Variants in ABTB2 observed in about 807,000 individuals in gnomAD.
ABTB2 encodes the protein ankyrin repeat and BTB domain containing 2, also known as ankyrin repeat and BTB/POZ domain-containing protein 2.
A neutral mutation model predicts 104.1 loss-of-function variants in ABTB2; 56 were observed. The ratio of observed to expected loss-of-function variants is 0.54; its 90% CI spans 0.43 to 0.67. The LOEUF is 0.67. ABTB2 is among the 30% of genes least tolerant of loss of function. ABTB2 has a pLI of 0.00. For missense variants in ABTB2, 1,279 were observed against 1,407.7 expected, an observed-to-expected ratio of 0.91 and a Z score of 1.46; for synonymous variants, 606 against 608.2, an observed-to-expected ratio of 1.00 and a Z score of 0.05.
intron 1 of ABTB2, among the ~76,000 whole-genome samples, chr11:34,220,748 C>A (rs1853610896): frequency 1.3e-5 from 2 of 152,134 alleles, no homozygotes; most frequent in Admixed American, 1.3e-4. Flanking sequence ...TAAATAACCC[C>A]CTGTTGGTCT....
chr11:34,167,437 AG>A, intron 6 of ABTB2, 77 bp from the exon 7 acceptor site: 1 of 1,136,262 alleles, frequency 8.8e-7, no homozygotes, highest in Non-Finnish European at 1.3e-6. Flanking sequence ...GGTGAACCAG[AG>A]TTAACAAGTG....
chr11:34,198,444 ACAAC>A (rs1853292021), intron 2 of ABTB2, among the ~76,000 whole-genome samples: 1 of 84,200 alleles, frequency 1.2e-5, no homozygotes, highest in Admixed American at 9.1e-5. Flanking sequence ...AAACAAACAA[ACAAC>A]AACAACAAAA....
chr11:34,280,571 A>G (rs1967745), intron 1 of ABTB2, among the ~76,000 whole-genome samples: 44,290 of 151,860 alleles, frequency 0.29, 7,675 homozygotes, highest in African/African-American at 0.47. Flanking sequence ...CTAACATAAT[A>G]AGCATGTCTG....
At chr11:34,288,222 T>A (rs965752820) in intron 1 of ABTB2, among the ~76,000 whole-genome samples, 6 of 152,248 alleles carry the variant, frequency 3.9e-5, no homozygotes, top group Middle Eastern at 3.2e-3. Context: ...TTTTTTACAG[T>A]GAACACCTTT....
At chr11:34,153,577 A>C (rs1852578789) in intron 16 of ABTB2, among the ~76,000 whole-genome samples, 1 of 152,162 alleles carries the variant, frequency 6.6e-6, no homozygotes, top group Non-Finnish European at 1.5e-5. Flanking sequence ...AGGCTGGTCT[A>C]AACTCCTGGT....
chr11:34,327,438 G>A lies in ABTB2; in HGVS notation c.883+29263C>T, dbSNP rs139544286. ...GAATCCACCCCCCTAGCCACTTGAG[G>A]GCCCAGTAGCAGGGGAAACGTGGCC... On this transcript the variant is annotated intron_variant, in intron 1 of 16. Transcript: ENST00000435224. Among the ~76,000 whole-genome samples, 249 of 152,222 alleles carry A rather than the reference G, an allele frequency of 1.6e-3. 3 individuals are homozygous for A. Among genetic ancestry groups the A allele is most frequent in the African/African-American group, 5.4e-3 (226 of 41,550 alleles).
intron 1 of ABTB2, among the ~76,000 whole-genome samples, chr11:34,351,130 A>G (rs1254178285): frequency 1.3e-5 from 2 of 152,066 alleles, no homozygotes; most frequent in African/African-American, 4.8e-5. Context: ...ATGTGCAACC[A>G]AGTGTCTCTG....
chr11:34,201,040 T>C (rs1017471155), intron 2 of ABTB2, among the ~76,000 whole-genome samples: 4 of 152,244 alleles, frequency 2.6e-5, no homozygotes, highest in African/African-American at 9.6e-5. Flanking sequence ...ACATTTATTT[T>C]GATTTTTCAT....
chr11:34,202,547 T>A (rs1159030744), intron 2 of ABTB2, among the ~76,000 whole-genome samples: 1 of 152,152 alleles, frequency 6.6e-6, no homozygotes, highest in Non-Finnish European at 1.5e-5. Flanking sequence ...AAGCTTTAAA[T>A]GGGCAGCTTG....
intron 10 of ABTB2, among the ~76,000 whole-genome samples, chr11:34,162,344 C>A (rs1173642728): frequency 6.6e-6 from 1 of 152,194 alleles, no homozygotes; most frequent in East Asian, 1.9e-4. Context: ...GGGACTGGGC[C>A]ATGACCCCAA....
chr11:34,218,079 A>C (rs193152002), intron 1 of ABTB2, among the ~76,000 whole-genome samples: 1 of 152,246 alleles, frequency 6.6e-6, no homozygotes, highest in Non-Finnish European at 1.5e-5. Context: ...TGCCATCTGC[A>C]TATCATCTTT....
In ABTB2 at chr11:34,329,346, C is replaced by A. The variant is rs1004293414; in HGVS notation, c.883+27355G>T. Reference sequence around the variant, plus strand: ...CTGGTTTTTCCACTCCACTTCCTTCCAGATCCATCTTCCATCCCACTTCCC... The same window carrying A: ...CTGGTTTTTCCACTCCACTTCCTTCAAGATCCATCTTCCATCCCACTTCCC... On this transcript the variant is annotated intron_variant, in intron 1 of 16. Coordinates refer to ENST00000435224, the MANE Select transcript of ABTB2 (RefSeq NM_145804.3). Among the ~76,000 whole-genome samples, 4 of 152,294 alleles carry A rather than the reference C, an allele frequency of 2.6e-5. No homozygotes were observed. In the East Asian group the frequency reaches 7.7e-4, roughly 29 times the overall value.
rs879745823 is a variant in ABTB2 at position 34,172,441 on chromosome 11, G to T, written c.1397+714C>A. 3.6e-3 allele frequency among the ~76,000 whole-genome samples: 320 copies of T among 89,322 alleles called. 4 individuals are homozygous for T. The highest frequency in any genetic ancestry group is 0.025 in the East Asian group (107 of 4,338). The allele number at this position is 89,322 out of a possible 152,430, so 58.6% of individuals were successfully genotyped here. ...ATATGTGTGTGTGTGTGTGTATATA[G>T]ATAGATAGATAGATAGATAGATAGA... On this transcript the variant is annotated intron_variant, in intron 4 of 16. Transcript: ENST00000435224.
At chr11:34,167,833 G>T in intron 6 of ABTB2, 70 bp downstream of exon 6, 1 of 1,510,764 alleles carries the variant, frequency 6.6e-7, no homozygotes, top group Non-Finnish European at 9.2e-7. Context: ...CGCCCAGCGT[G>T]TTTGTTGGAG....
rs1195876804 is a variant in ABTB2 at position 34,154,701 on chromosome 11, C to T, written c.2766G>A (p.Glu922=). The T allele has an allele frequency of 3.1e-6, 5 of 1,614,054 alleles. No homozygotes were observed. In the South Asian group the frequency reaches 4.4e-5, roughly 14 times the overall value. Residue 922 remains glutamate, a splice_region_variant and synonymous_variant, in exon 15 of 17, where the codon GAG becomes GAA. Transcript: ENST00000435224. This position sits in a 1 kb window ranked among gnomAD's most constrained non-coding sequence, Gnocchi z 4.9. ...SMEIPTTDIL[E]LLSAASLFQL... ...CCCCTCCCCCTCTCCCGAGTCTCAC[C>T]TCCAGGATGTCAGTGGTGGGGATCT...
chr11:34,325,070 G>A (rs1431125821), intron 1 of ABTB2, among the ~76,000 whole-genome samples: 5 of 152,044 alleles, frequency 3.3e-5, no homozygotes, highest in African/African-American at 4.8e-5. Flanking sequence ...CAAAGTGCTG[G>A]GATTACAGGT....
In ABTB2 at chr11:34,296,764, G is replaced by A. The variant is rs923044302; in HGVS notation, c.883+59937C>T. On this transcript the variant is annotated intron_variant, in intron 1 of 16. Transcript: ENST00000435224. Reference sequence around the variant, plus strand: ...CTTCAAAAAAACTATTTCTTTTAAAGGAGTAAACAGAGAAATGGTCTGGAA... The same window carrying A: ...CTTCAAAAAAACTATTTCTTTTAAAAGAGTAAACAGAGAAATGGTCTGGAA... Among the ~76,000 whole-genome samples, 3 of 152,192 alleles carry A rather than the reference G, an allele frequency of 2.0e-5. No homozygotes were observed. In the East Asian group the frequency reaches 5.8e-4, roughly 29 times the overall value.
intron 1 of ABTB2, among the ~76,000 whole-genome samples, chr11:34,292,841 A>G (rs1483618030): frequency 2.6e-5 from 4 of 152,210 alleles, no homozygotes; most frequent in Non-Finnish European, 5.9e-5. Context: ...AGCAGGTACA[A>G]ACCCCCAGAG....
intron 1 of ABTB2, among the ~76,000 whole-genome samples, chr11:34,235,061 C>A (rs545749290): frequency 3.9e-5 from 6 of 152,146 alleles, no homozygotes; most frequent in Non-Finnish European, 8.8e-5. Flanking sequence ...TGGGGTTTCA[C>A]CGTGTTAGCC....
Sources: allele counts gnomAD v4.1 joint callset (sites outside exome capture counted in the v4.1 genomes callset), GRCh38; gene constraint gnomAD v4.1.1; non-coding constraint Gnocchi (gnomAD v3.1); transcripts MANE v1.5; gene names NCBI Gene and HGNC (gene_info 2026-07-23, HGNC 2026-07-21).